The following SUSD4 variants were observed in gnomAD, a reference collection of about 807,000 sequenced individuals.
SUSD4 encodes the protein sushi domain-containing protein 4.
SUSD4 carries 41 observed loss-of-function variants against 50.5 expected under a neutral mutation model. That is an observed-to-expected ratio of 0.81 (90% CI 0.63 to 1.05). The LOEUF (loss-of-function observed/expected upper bound fraction) is 1.05, where lower values mean the gene tolerates loss of function less well. Ranked by LOEUF, SUSD4 falls within the 50% of genes least tolerant of loss-of-function variation. SUSD4 has a pLI of 0.00. For missense variants in SUSD4, 580 were observed against 634.7 expected (o/e 0.91, Z 0.93); for synonymous variants, 257 against 257.3 (o/e 1.00, Z 0.01).
chr1:223,359,033 G>A (rs1213110432), intron 2 of SUSD4: 16 of 470,938 alleles, frequency 3.4e-5, no homozygotes, highest in Non-Finnish European at 4.4e-5. Context: ...CCAAATGAGG[G>A]CTCCAGGAGC....
At chr1:223,341,507 G>C (rs1264722715) in intron 2 of SUSD4, among the ~76,000 whole-genome samples, 1 of 150,186 alleles carries the variant, frequency 6.7e-6, no homozygotes, top group South Asian at 2.2e-4. Flanking sequence ...AAGGCTGAGT[G>C]GGAAGCAGAA....
chr1:223,290,640 C>A (rs1571986951), intron 3 of SUSD4, among the ~76,000 whole-genome samples: 1 of 152,160 alleles, frequency 6.6e-6, no homozygotes, highest in Admixed American at 6.5e-5. Flanking sequence ...CCCTGCACAT[C>A]TGGGGCTGAG....
intron 2 of SUSD4, among the ~76,000 whole-genome samples, chr1:223,345,458 C>T (rs911782300): frequency 3.3e-5 from 5 of 151,888 alleles, no homozygotes; most frequent in East Asian, 1.9e-4. Context: ...TCTGATCATG[C>T]GCTTATTAAG....
intron 2 of SUSD4, among the ~76,000 whole-genome samples, chr1:223,323,386 G>A (rs1005108850): frequency 6.6e-6 from 1 of 152,138 alleles, no homozygotes; most frequent in Non-Finnish European, 1.5e-5. Flanking sequence ...AACATGAGAT[G>A]TCCCCAGTAG....
intron 5 of SUSD4, among the ~76,000 whole-genome samples, chr1:223,258,791 G>A (rs990568612): frequency 6.6e-6 from 1 of 152,080 alleles, no homozygotes; most frequent in Non-Finnish European, 1.5e-5. Flanking sequence ...GACTCCCTGG[G>A]GCCTCTGGGA....
At chr1:223,335,506 C>T (rs2103283639) in intron 2 of SUSD4, among the ~76,000 whole-genome samples, 1 of 152,282 alleles carries the variant, frequency 6.6e-6, no homozygotes, top group South Asian at 2.1e-4. Context: ...ATAGACAAGA[C>T]CCATCCATGA....
chr1:223,351,498 T>C (rs1394313193), intron 2 of SUSD4, among the ~76,000 whole-genome samples: 1 of 151,866 alleles, frequency 6.6e-6, no homozygotes, highest in Non-Finnish European at 1.5e-5. Context: ...GCTCTGGGAG[T>C]TCTGAGAACA....
intron 2 of SUSD4, among the ~76,000 whole-genome samples, chr1:223,354,566 C>A (rs1228982303): frequency 6.6e-6 from 1 of 152,112 alleles, no homozygotes; most frequent in Admixed American, 6.5e-5. Context: ...ACTTAGGTAG[C>A]CTTCATCAGC....
intron 2 of SUSD4, among the ~76,000 whole-genome samples, chr1:223,320,261 T>C (rs1666493387): frequency 1.3e-5 from 2 of 152,176 alleles, no homozygotes; most frequent in African/African-American, 4.8e-5. Flanking sequence ...ATCGCACATC[T>C]AAAAGAGACA....
At chr1:223,258,181 C>T (rs376265919) in intron 5 of SUSD4, among the ~76,000 whole-genome samples, 5 of 152,262 alleles carry the variant, frequency 3.3e-5, no homozygotes, top group African/African-American at 1.2e-4. Flanking sequence ...ACTTCAGGCG[C>T]CTCTTATACC....
At position 223,268,949 on chromosome 1, in the gene SUSD4, G is replaced by A. The variant is rs544781890; in HGVS notation, c.362-274C>T. On this transcript the variant is annotated intron_variant, in intron 3 of 8. Coordinates refer to ENST00000366878, the MANE Select transcript of SUSD4 (RefSeq NM_017982.4). ...TTTCCTGCCTGTGACACTTCAAACCGTACAGCTGATCTTATGAACAATTTT... is the reference window on the plus strand; with the variant it reads ...TTTCCTGCCTGTGACACTTCAAACCATACAGCTGATCTTATGAACAATTTT... Among the ~76,000 whole-genome samples the A allele has an allele frequency of 1.9e-4, 29 of 152,278 alleles. No homozygotes were observed. In the South Asian group the frequency reaches 5.6e-3, roughly 29 times the overall value.
chr1:223,315,533 C>G (rs1224244273), intron 2 of SUSD4, among the ~76,000 whole-genome samples: 1 of 152,222 alleles, frequency 6.6e-6, no homozygotes, highest in Non-Finnish European at 1.5e-5. Flanking sequence ...GCCAAACTAT[C>G]GTTGAAAAAC....
chr1:223,354,082 G>A (rs1013941436), intron 2 of SUSD4, among the ~76,000 whole-genome samples: 1 of 151,838 alleles, frequency 6.6e-6, no homozygotes, highest in African/African-American at 2.4e-5. Context: ...TGACTCTTCT[G>A]CAGCTGAGCC....
Position 223,227,716 on chromosome 1 carries a change from A to C in SUSD4, c.939T>G (p.His313Gln), listed in dbSNP as rs1659610611. ...IKSEQTWPST[H>Q]ETLLTTWKIV... ...TCTTCCACGTGGTCAGGAGGGTCTCATGGGTGCTGGGCCACGTTTGCTCTG... is the reference window on the plus strand; with the variant it reads ...TCTTCCACGTGGTCAGGAGGGTCTCCTGGGTGCTGGGCCACGTTTGCTCTG... The change falls in exon 7 of 9, where the codon CAT becomes CAG. Residue 313 changes from histidine to glutamine, a missense_variant. Coordinates refer to ENST00000366878, the MANE Select transcript of SUSD4 (RefSeq NM_017982.4). The surrounding 1 kb of genome is among the most constrained non-coding windows in gnomAD (Gnocchi z 4.5). 6.2e-7 allele frequency: 1 copy of C among 1,612,944 alleles called. No individual in the cohort carries two copies. The highest frequency in any genetic ancestry group is 1.3e-5 in the African/African-American group (1 of 75,006).
chr1:223,354,830 T>C (rs954239373), intron 2 of SUSD4, among the ~76,000 whole-genome samples: 1 of 152,218 alleles, frequency 6.6e-6, no homozygotes, highest in African/African-American at 2.4e-5. Context: ...AGGTGTTAAG[T>C]ATTTAGGGAA....
At chr1:223,277,482 C>T (rs2138968) in intron 3 of SUSD4, among the ~76,000 whole-genome samples, 125,581 of 151,970 alleles carry the variant, frequency 0.83, 52,281 homozygotes, top group African/African-American at 0.93. Context: ...GGATCCCTGG[C>T]TGCACACTGA....
At chr1:223,282,770 C>T (rs1571966965) in intron 3 of SUSD4, among the ~76,000 whole-genome samples, 1 of 152,340 alleles carries the variant, frequency 6.6e-6, no homozygotes, top group Non-Finnish European at 1.5e-5. Context: ...AAAAAAGAGC[C>T]TGCATTGCCA....
chr1:223,244,556 C>G (rs906146918), intron 5 of SUSD4, among the ~76,000 whole-genome samples: 1 of 152,170 alleles, frequency 6.6e-6, no homozygotes. Flanking sequence ...GTCTCATGGT[C>G]TTGGTCCCTC....
intron 2 of SUSD4, among the ~76,000 whole-genome samples, chr1:223,353,447 T>C (rs1668478216): frequency 6.6e-6 from 1 of 152,210 alleles, no homozygotes; most frequent in South Asian, 2.1e-4. Context: ...GCACATCCTA[T>C]GTCCCTGTGA....
Sources: gnomAD v4.1 joint callset for allele counts (sites outside exome capture counted in the v4.1 genomes callset) on GRCh38, gnomAD v4.1.1 for gene constraint, Gnocchi (gnomAD v3.1) non-coding constraint, MANE v1.5 for transcripts, NCBI Gene and HGNC (gene_info 2026-07-23, HGNC 2026-07-21) for gene names.